Variants in RUBCN observed in about 807,000 individuals in gnomAD.
The protein encoded by RUBCN is run domain Beclin-1-interacting and cysteine-rich domain-containing protein.
RUBCN carries 74 observed loss-of-function variants against 113.2 expected under a neutral mutation model. That is an observed-to-expected ratio of 0.65 (90% CI 0.54 to 0.79). The LOEUF (loss-of-function observed/expected upper bound fraction) is 0.79. Among genes scored for constraint, RUBCN ranks in the 30% least tolerant of loss-of-function variants. The probability of loss-of-function intolerance (pLI) is 0.00; values close to 1 mark genes in which losing one functional copy is unlikely to be tolerated. For missense variants in RUBCN, 1,109 were observed against 1,251.7 expected, an observed-to-expected ratio of 0.89 and a Z score of 1.72; for synonymous variants, 480 against 490.0, an observed-to-expected ratio of 0.98 and a Z score of 0.27.
intron 2 of RUBCN, among the ~76,000 whole-genome samples, chr3:197,708,193 T>C (rs1223430298): frequency 6.6e-6 from 1 of 151,806 alleles, no homozygotes; most frequent in African/African-American, 2.4e-5. Flanking sequence ...TGGAGTGCAA[T>C]GGTGCAATCT....
At position 197,705,158 on chromosome 3, in the gene RUBCN, C is replaced by T. The variant is rs60457064; in HGVS notation, c.237G>A (p.Thr79=). The T allele has an allele frequency of 4.3e-6, 7 of 1,613,834 alleles. No homozygotes were observed. Among genetic ancestry groups the T allele is most frequent in the Middle Eastern group, 1.6e-4 (1 of 6,062 alleles). ...TGTCTTTCACGAACTGCCAGTAATC[C>T]GTCTGGCGGCGGCACGCCTGCAAAG... ...LIRDQACRRQ[T]DYWQFVKDIR... Residue 79 remains threonine (T), a synonymous_variant, in exon 3 of 20, where the codon ACG becomes ACA. Coordinates refer to ENST00000296343, the MANE Select transcript of RUBCN (RefSeq NM_014687.4).
intron 1 of RUBCN, among the ~76,000 whole-genome samples, chr3:197,743,171 A>C (rs1170574146): frequency 1.3e-5 from 2 of 152,306 alleles, no homozygotes; most frequent in East Asian, 3.9e-4. Context: ...TGAGTTTCTT[A>C]AGGGCAGCAG....
rs542193479 is a variant in RUBCN at position 197,681,761 on chromosome 3, C to G, written c.2191+74G>C. 2.2e-6 allele frequency: 3 copies of G among 1,360,090 alleles called. No homozygotes were observed. The highest frequency in any genetic ancestry group is 2.3e-5 in the East Asian group (1 of 43,648). The allele number at this position is 1,360,090 out of a possible 1,614,324, so 84.3% of individuals were successfully genotyped here. A position where few individuals can be genotyped will look rare whatever the true frequency, so the allele number is the denominator to read the frequency against. Reference sequence around the variant, plus strand: ...CCACCTCCTGCTACCGCCTTTGACACGCCACCTCTCCCTACGTGTCGGGGA... The same window carrying G: ...CCACCTCCTGCTACCGCCTTTGACAGGCCACCTCTCCCTACGTGTCGGGGA... On this transcript the variant is annotated intron_variant, in intron 15 of 19. Transcript: ENST00000296343. This position sits in a 1 kb window ranked among gnomAD's most constrained non-coding sequence, Gnocchi z 5.5.
At chr3:197,724,365 A>AAT (rs140488710) in intron 1 of RUBCN, among the ~76,000 whole-genome samples, 17,245 of 152,186 alleles carry the variant, frequency 0.11, 1,187 homozygotes, top group African/African-American at 0.18. Flanking sequence ...AATCACTAAA[A>AAT]ACATGACATG....
exon 1 of RUBCN, chr3:197,749,563 T>A (rs1728915657): frequency 7.7e-7 from 1 of 1,291,706 alleles, no homozygotes; most frequent in East Asian, 5.5e-5. Flanking sequence ...GAAAGGCTCG[T>A]GTGTACCGAA....
In RUBCN at chr3:197,681,910, G is replaced by A. The variant is rs753348898; in HGVS notation, c.2127-11C>T. 6.2e-7 allele frequency: 1 copy of A among 1,612,182 alleles called. No individual in the cohort carries two copies. Among genetic ancestry groups the A allele is most frequent in the Non-Finnish European group, 8.5e-7 (1 of 1,178,392 alleles). Reference sequence around the variant, plus strand: ...ACGGCAATTTTCCTCCTGAGGAAGGGTAAGGACAGGGCATTGGCACAGAGC... The same window carrying A: ...ACGGCAATTTTCCTCCTGAGGAAGGATAAGGACAGGGCATTGGCACAGAGC... On this transcript the variant is annotated splice_polypyrimidine_tract_variant and intron_variant, in intron 14 of 19. Coordinates refer to ENST00000296343, the MANE Select transcript of RUBCN (RefSeq NM_014687.4). The surrounding 1 kb of genome is among the most constrained non-coding windows in gnomAD (Gnocchi z 5.5).
In RUBCN at chr3:197,693,955, T is replaced by C. The variant is rs114263177; in HGVS notation, c.1685-139A>G. On this transcript the variant is annotated intron_variant, in intron 10 of 19. Transcript: ENST00000296343. Reference sequence around the variant, plus strand: ...TTCCCTTTAGAAAGTTTCAAGTAAATAGAAGGTACTACTATCTGGGAAGCA... The same window carrying C: ...TTCCCTTTAGAAAGTTTCAAGTAAACAGAAGGTACTACTATCTGGGAAGCA... The C allele has an allele frequency of 3.7e-3, 2,528 of 674,356 alleles. 10 individuals are homozygous for C. Among genetic ancestry groups the C allele is most frequent in the Middle Eastern group, 5.8e-3 (20 of 3,444 alleles). 41.8% of individuals were successfully genotyped at this position (674,356 alleles called of 1,614,324 possible).
chr3:197,679,358 C>A (rs1365510974), intron 16 of RUBCN, among the ~76,000 whole-genome samples: 2 of 143,866 alleles, frequency 1.4e-5, no homozygotes, highest in African/African-American at 5.2e-5. Context: ...CTCTGACTGA[C>A]AACTGGCTTT....
Position 197,681,159 on chromosome 3 carries a change from A to C in RUBCN, c.2400T>G (p.Tyr800Ter). Residue 800 changes from tyrosine (Y) to a stop codon, truncating the protein, a stop_gained, in exon 16 of 20, where the codon TAT becomes TAG. Transcript: ENST00000296343. LOFTEE classifies it high-confidence loss of function. The surrounding 1 kb of genome is among the most constrained non-coding windows in gnomAD (Gnocchi z 5.5). ...FNVQDINSAL[Y>*]RKVKLLNQVR... is the part of the protein sequence containing the mutation. ...CTTGATTGAGCAGCTTGACCTTCCT[A>C]TAGAGGGCACTGTTTATGTCCTGCA... 6.2e-7 allele frequency: 1 copy of C among 1,613,802 alleles called. No individual in the cohort carries two copies. The highest frequency in any genetic ancestry group is 8.5e-7 in the Non-Finnish European group (1 of 1,179,794).
intron 2 of RUBCN, among the ~76,000 whole-genome samples, chr3:197,716,370 C>T (rs1228827373): frequency 2.0e-5 from 3 of 152,178 alleles, no homozygotes; most frequent in Non-Finnish European, 2.9e-5. Context: ...AGTGATCTGC[C>T]CCACTTGGTC....
intron 2 of RUBCN, among the ~76,000 whole-genome samples, chr3:197,711,122 C>A (rs558063698): frequency 2.2e-4 from 33 of 152,340 alleles, no homozygotes; most frequent in African/African-American, 7.2e-4. Flanking sequence ...CCACGCCTGG[C>A]CTCTGGTGAG....
intron 1 of RUBCN, among the ~76,000 whole-genome samples, chr3:197,731,372 GAA>G (rs1006130025): frequency 2.0e-5 from 3 of 152,168 alleles, no homozygotes; most frequent in African/African-American, 2.4e-5. Flanking sequence ...AGAACAAAAT[GAA>G]AAGTCTCCCA....
At position 197,682,640 on chromosome 3, in the gene RUBCN, G is replaced by A. The variant is rs765093331; in HGVS notation, c.1981-25C>T. ...GCTGCAGGAGGAAAGCACAGTTGGG[G>A]TAAGCTCGTGTCAGTGTGCTGCCCG... On this transcript the variant is annotated intron_variant, in intron 13 of 19. Transcript: ENST00000296343. 4.4e-6 allele frequency: 7 copies of A among 1,601,980 alleles called. No individual in the cohort carries two copies. In the South Asian group the frequency reaches 6.7e-5, roughly 15 times the overall value.
At chr3:197,738,560 A>ACT (rs1728353613), upstream of RUBCN, among the ~76,000 whole-genome samples, 1 of 152,172 alleles carries the variant, frequency 6.6e-6, no homozygotes, top group Admixed American at 6.5e-5. Flanking sequence ...GGGCAATATT[A>ACT]CTCATTGGGA....
chr3:197,700,790 G>C lies in RUBCN; in HGVS notation c.1084C>G (p.Pro362Ala). The C allele has an allele frequency of 1.2e-6, 2 of 1,614,184 alleles. No homozygotes were observed. The highest frequency in any genetic ancestry group is 1.7e-6 in the Non-Finnish European group (2 of 1,180,036). Residue 362 changes from proline (P) to alanine (A), a missense_variant, in exon 7 of 20, where the codon CCA (proline) becomes GCA (alanine). Coordinates refer to ENST00000296343, the MANE Select transcript of RUBCN (RefSeq NM_014687.4). ...NLFSSSSSQK[P>A]DSAASSLGDQ... ...CCTAAGGAAGAGGCAGCAGAATCTG[G>C]CTTCTGGGAGCTGCTGGAGGAGAAC...
chr3:197,749,309 A>G, exon 1 of RUBCN: 1 of 1,142,384 alleles, frequency 8.8e-7, no homozygotes, highest in Non-Finnish European at 1.1e-6. Context: ...GGTAGTGAAC[A>G]CCGTGCCAGA....
At position 197,672,038 on chromosome 3, in the gene RUBCN, C is replaced by T. The variant is rs118054618; in HGVS notation, c.*2980G>A. 1.3e-5 allele frequency: 2 copies of T among 152,322 alleles called. No homozygotes were observed. Among genetic ancestry groups the T allele is most frequent in the South Asian group, 2.1e-4 (1 of 4,828 alleles). The allele number at this position is 152,322 out of a possible 1,614,324, so 9.4% of individuals were successfully genotyped here. On this transcript the variant is annotated 3_prime_UTR_variant, in exon 20 of 20. Transcript: ENST00000296343. ...TTTATTAAAGATGACAATGAACTGC[C>T]AGGCTGCACAAGCACCACAGCAGGT...
chr3:197,694,679 C>A, intron 9 of RUBCN, 94 bp from the exon 10 acceptor site: 2 of 1,109,016 alleles, frequency 1.8e-6, no homozygotes, highest in South Asian at 2.6e-5. Context: ...AAGATAGGAA[C>A]TGTTCCTGCC....
At chr3:197,722,609 T>A (rs1726289390) in intron 1 of RUBCN, among the ~76,000 whole-genome samples, 1 of 150,640 alleles carries the variant, frequency 6.6e-6, no homozygotes, top group Admixed American at 6.6e-5. Context: ...GATGCATGCA[T>A]GCATATATAC....
Sources: gnomAD v4.1 joint callset for allele counts (sites outside exome capture counted in the v4.1 genomes callset) on GRCh38, gnomAD v4.1.1 for gene constraint, Gnocchi (gnomAD v3.1) non-coding constraint, MANE v1.5 for transcripts, NCBI Gene and HGNC (gene_info 2026-07-23, HGNC 2026-07-21) for gene names.